ATP6V0D2: variants seen among roughly 807,000 people sequenced by gnomAD.
ATP6V0D2 encodes the protein ATPase H+ transporting V0 subunit d2.
In ATP6V0D2, 40 loss-of-function variants were observed where a neutral mutation model predicts 40.0. That is an observed-to-expected ratio of 1.00 (90% CI 0.78 to 1.30). The LOEUF (loss-of-function observed/expected upper bound fraction) is 1.30, where lower values mean the gene tolerates loss of function less well. Among genes scored for constraint, ATP6V0D2 ranks in the 50% most tolerant of loss-of-function variants. The pLI, the probability that ATP6V0D2 is intolerant of heterozygous loss-of-function variation, is 0.00. For synonymous variants in ATP6V0D2, 179 were observed against 156.3 expected (o/e 1.15, Z -1.08); for missense variants, 470 against 423.1 (o/e 1.11, Z -0.97).
chr8:86,099,068 G>A lies in ATP6V0D2; in HGVS notation c.90G>A (p.Gln30=), dbSNP rs1344854081. The A allele has an allele frequency of 5.0e-6, 8 of 1,613,246 alleles. No homozygotes were observed. The highest frequency in any genetic ancestry group is 1.7e-5 in the Admixed American group (1 of 59,918). ...GATGCAAGGCCAGCCTCCTGACCCA[G>A]CAAGACTATATCAACCTGGTCCAGT... ...VRGCKASLLT[Q]QDYINLVQCE... is the part of the protein sequence containing the mutation. The change falls in exon 1 of 8, where the codon CAG becomes CAA. Residue 30 remains glutamine (Q), a synonymous_variant. Transcript: ENST00000285393.
chr8:86,146,490 G>C (rs2129641080), intron 5 of ATP6V0D2, among the ~76,000 whole-genome samples: 1 of 152,176 alleles, frequency 6.6e-6, no homozygotes, highest in East Asian at 1.9e-4. Context: ...GAAGCCAGGA[G>C]TTTGAGACCA....
chr8:86,137,145 T>C (rs936266770), intron 2 of ATP6V0D2, among the ~76,000 whole-genome samples: 7 of 152,152 alleles, frequency 4.6e-5, no homozygotes, highest in Admixed American at 3.3e-4. Context: ...AGACACACAA[T>C]GGCCAGTCTT....
At chr8:86,132,926 C>T (rs2626323) in intron 2 of ATP6V0D2, among the ~76,000 whole-genome samples, 152,306 of 152,312 alleles carry the variant, frequency 1, 76,150 homozygotes, top group Non-Finnish European at 1. Flanking sequence ...GTACTTGTAC[C>T]AATTGAAATT....
intron 5 of ATP6V0D2, among the ~76,000 whole-genome samples, chr8:86,148,198 A>C (rs1819097757): frequency 6.6e-6 from 1 of 152,254 alleles, no homozygotes; most frequent in Middle Eastern, 3.4e-3. Context: ...TTTTGTTTTA[A>C]GTTTTCTTAT....
chr8:86,153,045 A>G lies in ATP6V0D2; in HGVS notation c.*68A>G. On this transcript the variant is annotated 3_prime_UTR_variant, in exon 8 of 8. Coordinates refer to ENST00000285393, the MANE Select transcript of ATP6V0D2 (RefSeq NM_152565.1). ...AGGAAGTTATTGAAGAAAATAAAAG[A>G]AATTATGTTATATTATCTAGACTAC... The G allele has an allele frequency of 1.5e-6, 2 of 1,354,478 alleles. No homozygotes were observed. The highest frequency in any genetic ancestry group is 2.0e-6 in the Non-Finnish European group (2 of 1,012,598). 83.9% of individuals were successfully genotyped at this position (1,354,478 alleles called of 1,614,324 possible). A position where few individuals can be genotyped will look rare whatever the true frequency, so the allele number is the denominator to read the frequency against.
intron 2 of ATP6V0D2, among the ~76,000 whole-genome samples, chr8:86,131,802 T>C (rs777313376): frequency 2.6e-5 from 4 of 152,246 alleles, no homozygotes; most frequent in Admixed American, 2.6e-4. Flanking sequence ...CACCCAGCCT[T>C]ATGTCCATTT....
chr8:86,153,105 C>G lies in ATP6V0D2; in HGVS notation c.*128C>G. ...AGCCACACTATATCTTCATGAGTTG[C>G]AAATCCATGGAAACACAGTAAACCA... On this transcript the variant is annotated 3_prime_UTR_variant, in exon 8 of 8. Coordinates refer to ENST00000285393, the MANE Select transcript of ATP6V0D2 (RefSeq NM_152565.1). 1 of 742,958 alleles carries G rather than the reference C, an allele frequency of 1.3e-6. No individual in the cohort carries two copies. The highest frequency in any genetic ancestry group is 2.0e-6 in the Non-Finnish European group (1 of 503,244). 46.0% of individuals were successfully genotyped at this position (742,958 alleles called of 1,614,324 possible). A position where few individuals can be genotyped will look rare whatever the true frequency, so the allele number is the denominator to read the frequency against.
intron 2 of ATP6V0D2, among the ~76,000 whole-genome samples, chr8:86,119,463 A>C (rs971959482): frequency 6.6e-6 from 1 of 151,968 alleles, no homozygotes; most frequent in Admixed American, 6.6e-5. Flanking sequence ...TCCTGACCTC[A>C]AGTGATCTAC....
chr8:86,111,064 A>G (rs1228497733), intron 1 of ATP6V0D2, among the ~76,000 whole-genome samples: 2 of 152,084 alleles, frequency 1.3e-5, no homozygotes, highest in African/African-American at 4.8e-5. Context: ...TTTGTACCAT[A>G]GGTCTCTTGA....
At chr8:86,132,420 T>C (rs964939965) in intron 2 of ATP6V0D2, among the ~76,000 whole-genome samples, 5 of 152,160 alleles carry the variant, frequency 3.3e-5, no homozygotes, top group African/African-American at 7.2e-5. Context: ...ATAGAACTTA[T>C]ACCTTTTATC....
intron 2 of ATP6V0D2, among the ~76,000 whole-genome samples, chr8:86,134,109 G>C (rs1818864752): frequency 6.6e-6 from 1 of 152,040 alleles, no homozygotes; most frequent in African/African-American, 2.4e-5. Flanking sequence ...GAAGCAATTT[G>C]AACCATAGCA....
chr8:86,138,040 G>T (rs58562918), intron 2 of ATP6V0D2, among the ~76,000 whole-genome samples: 1 of 152,032 alleles, frequency 6.6e-6, no homozygotes, highest in African/African-American at 2.4e-5. Context: ...AGTATCCTCC[G>T]TTGCCCTTAA....
At chr8:86,143,094 A>G (rs1030709147) in intron 5 of ATP6V0D2, 140 bp downstream of exon 5, 2 of 526,428 alleles carry the variant, frequency 3.8e-6, no homozygotes, top group Non-Finnish European at 6.6e-6. Flanking sequence ...TATTATACAT[A>G]TGATTTGATA....
At chr8:86,115,030 C>T (rs1225640074) in intron 2 of ATP6V0D2, among the ~76,000 whole-genome samples, 3 of 152,158 alleles carry the variant, frequency 2.0e-5, no homozygotes, top group African/African-American at 7.2e-5. Context: ...TCATGTCAAA[C>T]ACTGTGCTCA....
At chr8:86,142,232 T>C (rs1307993142) in intron 4 of ATP6V0D2, among the ~76,000 whole-genome samples, 2 of 152,224 alleles carry the variant, frequency 1.3e-5, no homozygotes, top group African/African-American at 2.4e-5. Flanking sequence ...AAGTGACTTA[T>C]GGGCCTAGAG....
Position 86,126,236 on chromosome 8 carries a change from CTATATATATATATATATATA to C in ATP6V0D2, c.302+12364_302+12383del, listed in dbSNP as rs60590702. Among the ~76,000 whole-genome samples the C allele has an allele frequency of 7.8e-5, 6 of 77,150 alleles. No individual in the cohort carries two copies. In the South Asian group the frequency reaches 3.3e-3, roughly 42 times the overall value. 50.6% of individuals were successfully genotyped at this position (77,150 alleles called of 152,430 possible). A position where few individuals can be genotyped will look rare whatever the true frequency, so the allele number is the denominator to read the frequency against. ...ATAGGCGTGAACTACCGTGCTCAGCCTATATATATATATATATATATATATATCTTTTTGTATATAGTATA... is the reference window on the plus strand; with the variant it reads ...ATAGGCGTGAACTACCGTGCTCAGCCTATATATCTTTTTGTATATAGTATA... On this transcript the variant is annotated intron_variant, in intron 2 of 7. Coordinates refer to ENST00000285393, the MANE Select transcript of ATP6V0D2 (RefSeq NM_152565.1).
Position 86,151,541 on chromosome 8 carries a change from G to GT in ATP6V0D2, c.891+2dup. 6.2e-7 allele frequency: 1 copy of GT among 1,601,534 alleles called. No homozygotes were observed. The highest frequency in any genetic ancestry group is 1.1e-5 in the South Asian group (1 of 88,718). ...GGAGGACGTGTTTTACGAGCGTGAG[G>GT]TATGATATAAGTGGAAATACTATTA... On this transcript the variant is annotated splice_donor_variant, in intron 7 of 7. Transcript: ENST00000285393. LOFTEE classifies it high-confidence loss of function.
intron 2 of ATP6V0D2, among the ~76,000 whole-genome samples, chr8:86,138,312 G>A (rs913689216): frequency 3.9e-5 from 6 of 152,138 alleles, no homozygotes; most frequent in African/African-American, 9.7e-5. Flanking sequence ...CTGGTTTAGC[G>A]TCCAGCTATG....
Position 86,102,439 on chromosome 8 carries a change from C to T in ATP6V0D2, c.130+3331C>T, listed in dbSNP as rs111299693. Reference sequence around the variant, plus strand: ...AAACAACAGGTTACACTGTGCCATTCCAATACTATATGTTGAAGCAGGGAC... The same window carrying T: ...AAACAACAGGTTACACTGTGCCATTTCAATACTATATGTTGAAGCAGGGAC... On this transcript the variant is annotated intron_variant, in intron 1 of 7. Coordinates refer to ENST00000285393, the MANE Select transcript of ATP6V0D2 (RefSeq NM_152565.1). Among the ~76,000 whole-genome samples the T allele has an allele frequency of 8.5e-3, 1,288 of 152,248 alleles. 15 individuals are homozygous for T. Among genetic ancestry groups the T allele is most frequent in the African/African-American group, 0.024 (991 of 41,550 alleles).
Sources: gnomAD v4.1 joint callset for allele counts (sites outside exome capture counted in the v4.1 genomes callset) on GRCh38, gnomAD v4.1.1 for gene constraint, MANE v1.5 for transcripts, NCBI Gene and HGNC (gene_info 2026-07-23, HGNC 2026-07-21) for gene names.